NXN: variants seen among roughly 807,000 people sequenced by gnomAD.
NXN encodes the protein nucleoredoxin 1.
In NXN, 16 loss-of-function variants were observed where a neutral mutation model predicts 48.6. The observed-to-expected ratio is 0.33, with a 90% CI of 0.22 to 0.50. The LOEUF (loss-of-function observed/expected upper bound fraction) is 0.50. Among genes scored for constraint, NXN ranks in the 20% least tolerant of loss-of-function variants. NXN has a pLI of 0.98. For missense variants in NXN, 492 were observed against 605.5 expected (o/e 0.81, Z 1.97); for synonymous variants, 281 against 269.6 (o/e 1.04, Z -0.41).
chr17:818,651 C>T (rs1053909242), intron 5 of NXN, among the ~76,000 whole-genome samples: 2 of 152,128 alleles, frequency 1.3e-5, no homozygotes, highest in Admixed American at 6.5e-5. Flanking sequence ...TTTGGGAGGT[C>T]GAGGCGGGCA....
chr17:969,579 G>A (rs76634277), intron 1 of NXN, among the ~76,000 whole-genome samples: 5,285 of 152,144 alleles, frequency 0.035, 302 homozygotes, highest in East Asian at 0.27. Context: ...ACGTGGTCCC[G>A]CCCAATCTTC....
intron 1 of NXN, among the ~76,000 whole-genome samples, chr17:973,115 G>A (rs1469129221): frequency 6.6e-6 from 1 of 151,928 alleles, no homozygotes; most frequent in African/African-American, 2.4e-5. Context: ...ATTCCAACCC[G>A]TGTCAGAAGA....
At chr17:808,387 C>T (rs976937338) in intron 5 of NXN, among the ~76,000 whole-genome samples, 2 of 151,884 alleles carry the variant, frequency 1.3e-5, no homozygotes, top group Middle Eastern at 3.4e-3. Flanking sequence ...ACTGCAAGCT[C>T]CACCTCCCGG....
intron 1 of NXN, among the ~76,000 whole-genome samples, chr17:842,958 A>AAGAAAGAGAGAAAGAG (rs1263592986): frequency 6.4e-4 from 87 of 136,482 alleles, no homozygotes; most frequent in South Asian, 1.0e-3. Context: ...AAAGGAAAGA[A>AAGAAAGAGAGAAAGAG]AGAAAGAGAG....
intron 1 of NXN, among the ~76,000 whole-genome samples, chr17:927,975 CAA>C (rs2068818253): frequency 1.3e-5 from 2 of 151,914 alleles, no homozygotes; most frequent in East Asian, 1.9e-4. Flanking sequence ...TGGTCATTAG[CAA>C]AGAGAGGCGA....
chr17:921,101 A>T (rs1359494071), intron 1 of NXN, among the ~76,000 whole-genome samples: 1 of 152,134 alleles, frequency 6.6e-6, no homozygotes, highest in Non-Finnish European at 1.5e-5. Flanking sequence ...GAGCATCTAT[A>T]TCACAGCTTT....
At chr17:957,304 C>T (rs1422661514) in intron 1 of NXN, among the ~76,000 whole-genome samples, 1 of 151,436 alleles carries the variant, frequency 6.6e-6, no homozygotes, top group Non-Finnish European at 1.5e-5. Context: ...AGGAACCCCC[C>T]GGGATCTTCT....
intron 1 of NXN, among the ~76,000 whole-genome samples, chr17:904,348 G>T (rs1176737358): frequency 1.3e-5 from 2 of 152,162 alleles, no homozygotes; most frequent in Non-Finnish European, 2.9e-5. Flanking sequence ...GGTGCCCCGT[G>T]GCCACGAAGG....
chr17:931,950 C>T (rs1285029698), intron 1 of NXN, among the ~76,000 whole-genome samples: 1 of 152,074 alleles, frequency 6.6e-6, no homozygotes, highest in African/African-American at 2.4e-5. Flanking sequence ...TCAAGACCAG[C>T]CTGGCCAAGA....
At position 979,671 on chromosome 17, in the gene NXN, C is replaced by A; in HGVS notation, c.8G>T (p.Gly3Val). 6.8e-7 allele frequency: 1 copy of A among 1,463,434 alleles called. No homozygotes were observed. The allele number at this position is 1,463,434 out of a possible 1,614,324, so 90.7% of individuals were successfully genotyped here. A position where few individuals can be genotyped will look rare whatever the true frequency, so the allele number is the denominator to read the frequency against. Reference protein sequence around the residue: MSGFLEELLGEKL... With the variant: MSVFLEELLGEKL... ...CTCGCCGAGCAGCTCCTCCAGGAAG[C>A]CCGACATCCTGGCCCACCGCAGGGC... Residue 3 changes from glycine to valine, a missense_variant, in exon 1 of 8, where the codon GGC (glycine) becomes GTC (valine). Physicochemically the swap from Gly to Val is moderately radical, Grantham distance 109. Coordinates refer to ENST00000336868, the MANE Select transcript of NXN (RefSeq NM_022463.5).
chr17:872,292 GTCAA>G (rs1567842661), intron 1 of NXN, among the ~76,000 whole-genome samples: 2 of 147,958 alleles, frequency 1.4e-5, no homozygotes, highest in African/African-American at 5.0e-5. Context: ...AGAGGAACAC[GTCAA>G]TCAAAGACTA....
chr17:965,882 C>T (rs953385639), intron 1 of NXN, among the ~76,000 whole-genome samples: 4 of 151,824 alleles, frequency 2.6e-5, no homozygotes, highest in East Asian at 1.9e-4. Flanking sequence ...TTTGGGAGGC[C>T]GAGGTGGGGA....
intron 1 of NXN, among the ~76,000 whole-genome samples, chr17:843,064 A>AAAGAAAGAAAGAAAG (rs1247377678): frequency 7.2e-6 from 1 of 138,132 alleles, no homozygotes; most frequent in Non-Finnish European, 1.6e-5. Flanking sequence ...AAGAAGGAAG[A>AAAGAAAGAAAGAAAG]AAGCAAGCAA....
intron 1 of NXN, among the ~76,000 whole-genome samples, chr17:827,885 C>T (rs912017906): frequency 4.6e-5 from 7 of 152,108 alleles, no homozygotes; most frequent in African/African-American, 1.4e-4. Flanking sequence ...GAGTTCCATC[C>T]GAAGCGGTGA....
chr17:966,178 T>C (rs1172198278), intron 1 of NXN, among the ~76,000 whole-genome samples: 2 of 151,036 alleles, frequency 1.3e-5, no homozygotes, highest in African/African-American at 2.4e-5. Context: ...GTAACAGAAG[T>C]CTACATAACA....
chr17:922,906 C>T (rs976873822), intron 1 of NXN, among the ~76,000 whole-genome samples: 2 of 151,950 alleles, frequency 1.3e-5, no homozygotes, highest in African/African-American at 4.8e-5. Flanking sequence ...CTGCCTTCGG[C>T]CTCCCAAAGT....
At chr17:918,271 T>C (rs752339307) in intron 1 of NXN, among the ~76,000 whole-genome samples, 2 of 152,240 alleles carry the variant, frequency 1.3e-5, no homozygotes, top group East Asian at 1.9e-4. Flanking sequence ...CAAAGGGGTC[T>C]GGTCTTGATT....
At chr17:811,086 G>A (rs1428449232) in intron 5 of NXN, among the ~76,000 whole-genome samples, 2 of 152,228 alleles carry the variant, frequency 1.3e-5, no homozygotes, top group South Asian at 2.1e-4. Flanking sequence ...AGGAAGGAGG[G>A]AAGCAGAAGA....
At chr17:867,402 G>T (rs1219478117) in intron 1 of NXN, among the ~76,000 whole-genome samples, 2 of 152,104 alleles carry the variant, frequency 1.3e-5, no homozygotes, top group African/African-American at 4.8e-5. Flanking sequence ...AGTTCTCGGG[G>T]TTCTCCAGGG....
Sources: allele counts gnomAD v4.1 joint callset (sites outside exome capture counted in the v4.1 genomes callset), GRCh38; gene constraint gnomAD v4.1.1; transcripts MANE v1.5; gene names NCBI Gene and HGNC (gene_info 2026-07-23, HGNC 2026-07-21).